Variants in COX10 observed in about 807,000 individuals in gnomAD.
COX10 encodes the protein protoheme IX farnesyltransferase, mitochondrial.
In COX10, 27 loss-of-function variants were observed where a neutral mutation model predicts 37.3. That is an observed-to-expected ratio of 0.72 (90% CI 0.53 to 1.00). The LOEUF (loss-of-function observed/expected upper bound fraction) is 1.00. COX10 is among the 50% of genes least tolerant of loss of function. COX10 has a pLI of 0.00. For missense variants in COX10, 475 were observed against 563.2 expected, an observed-to-expected ratio of 0.84 and a Z score of 1.59; for synonymous variants, 222 against 229.1, an observed-to-expected ratio of 0.97 and a Z score of 0.28.
intron 4 of COX10, among the ~76,000 whole-genome samples, chr17:14,114,159 T>G (rs1464235042): frequency 6.6e-6 from 1 of 152,146 alleles, no homozygotes; most frequent in African/African-American, 2.4e-5. Flanking sequence ...TAATCATCCT[T>G]TCCCTCAGTT....
chr17:14,186,074 G>A (rs1297179555), intron 5 of COX10, among the ~76,000 whole-genome samples: 2 of 152,214 alleles, frequency 1.3e-5, no homozygotes, highest in Non-Finnish European at 2.9e-5. Flanking sequence ...ATGTGGTGGT[G>A]TGCCCACGAT....
chr17:14,204,690 C>T (rs1189030801), intron 6 of COX10, among the ~76,000 whole-genome samples: 1 of 152,122 alleles, frequency 6.6e-6, no homozygotes, highest in Non-Finnish European at 1.5e-5. Flanking sequence ...GTGCCCCTCC[C>T]CTCACCCCCT....
chr17:14,144,509 T>C (rs1904653351), intron 4 of COX10, among the ~76,000 whole-genome samples: 2 of 152,150 alleles, frequency 1.3e-5, no homozygotes, highest in African/African-American at 4.8e-5. Flanking sequence ...TTTTAAGTCC[T>C]AGTTTGAAAG....
At chr17:14,186,845 A>AGACT (rs1906043914) in intron 5 of COX10, among the ~76,000 whole-genome samples, 1 of 152,116 alleles carries the variant, frequency 6.6e-6, no homozygotes, top group Non-Finnish European at 1.5e-5. Context: ...TACAGTTGGG[A>AGACT]GACTCTGGGT....
At chr17:14,146,023 T>C (rs562780584) in intron 4 of COX10, among the ~76,000 whole-genome samples, 23 of 152,312 alleles carry the variant, frequency 1.5e-4, no homozygotes, top group Non-Finnish European at 3.1e-4. Flanking sequence ...TGCCATATTT[T>C]GTATCATTTT....
At chr17:14,186,571 G>T (rs1216555803) in intron 5 of COX10, among the ~76,000 whole-genome samples, 1 of 151,846 alleles carries the variant, frequency 6.6e-6, no homozygotes, top group Non-Finnish European at 1.5e-5. Flanking sequence ...CCTTGGCCAC[G>T]AACTGACCAC....
intron 4 of COX10, among the ~76,000 whole-genome samples, chr17:14,134,677 G>A (rs992098294): frequency 6.6e-6 from 1 of 151,670 alleles, no homozygotes; most frequent in African/African-American, 2.4e-5. Flanking sequence ...AGCTGAGTAA[G>A]CTAAAAAACA....
intron 4 of COX10, among the ~76,000 whole-genome samples, chr17:14,119,937 G>A (rs1244406039): frequency 6.6e-6 from 1 of 152,170 alleles, no homozygotes; most frequent in Non-Finnish European, 1.5e-5. Context: ...TAGAGAGAAT[G>A]TCCAAAAGGC....
At chr17:14,164,176 C>G (rs1343008778) in intron 5 of COX10, among the ~76,000 whole-genome samples, 1 of 152,180 alleles carries the variant, frequency 6.6e-6, no homozygotes, top group African/African-American at 2.4e-5. Flanking sequence ...GTGGTGGTGT[C>G]CCATCATGGT....
chr17:14,170,051 C>G (rs1905414102), intron 5 of COX10, among the ~76,000 whole-genome samples: 1 of 152,154 alleles, frequency 6.6e-6, no homozygotes, highest in Admixed American at 6.5e-5. Flanking sequence ...TCCCTGTTGA[C>G]CTTCTTTGCT....
intron 6 of COX10, among the ~76,000 whole-genome samples, chr17:14,194,482 A>C (rs1349679175): frequency 1.3e-5 from 2 of 152,150 alleles, no homozygotes; most frequent in African/African-American, 4.8e-5. Flanking sequence ...GCTGGAGTGC[A>C]GTGGTGCGAT....
intron 3 of COX10, among the ~76,000 whole-genome samples, chr17:14,093,354 A>G (rs537443114): frequency 7.9e-5 from 12 of 152,148 alleles, no homozygotes; most frequent in Non-Finnish European, 1.5e-4. Context: ...CTTTACAGTT[A>G]TTTTTAGTTG....
intron 5 of COX10, among the ~76,000 whole-genome samples, chr17:14,168,479 C>T (rs954399393): frequency 7.9e-5 from 12 of 152,226 alleles, no homozygotes; most frequent in Non-Finnish European, 8.8e-5. Context: ...ATGGGGGCTC[C>T]AACCCCACAT....
At chr17:14,205,738 G>A (rs992720481) in intron 6 of COX10, among the ~76,000 whole-genome samples, 2 of 152,116 alleles carry the variant, frequency 1.3e-5, no homozygotes, top group Non-Finnish European at 1.5e-5. Context: ...TTGCTCTTCC[G>A]TCTCTTTTTG....
At chr17:14,184,689 T>G (rs917806441) in intron 5 of COX10, among the ~76,000 whole-genome samples, 21 of 152,262 alleles carry the variant, frequency 1.4e-4, no homozygotes, top group Admixed American at 3.9e-4. Flanking sequence ...TTCACAGCCC[T>G]CTGTTCTTCC....
chr17:14,185,051 C>G (rs1480480235), intron 5 of COX10, among the ~76,000 whole-genome samples: 1 of 150,432 alleles, frequency 6.6e-6, no homozygotes, highest in Non-Finnish European at 1.5e-5. Flanking sequence ...TTCTCCTCAT[C>G]TTGCTTCTAG....
At chr17:14,132,641 TA>T (rs1916492640) in intron 4 of COX10, among the ~76,000 whole-genome samples, 1 of 151,738 alleles carries the variant, frequency 6.6e-6, no homozygotes, top group Admixed American at 6.6e-5. Context: ...TATGAAGTGT[TA>T]AATTTTCCAG....
In COX10 at chr17:14,172,373, C is replaced by T. The variant is rs186716774; in HGVS notation, c.695+12426C>T. ...AGAGGCTATACTAATTTACATGCCCCGTCAACAGTGTGTAAGAGTTCCCTT... is the reference window on the plus strand; with the variant it reads ...AGAGGCTATACTAATTTACATGCCCTGTCAACAGTGTGTAAGAGTTCCCTT... On this transcript the variant is annotated intron_variant, in intron 5 of 6. Transcript: ENST00000261643. 2.2e-4 allele frequency among the ~76,000 whole-genome samples: 34 copies of T among 152,072 alleles called. No homozygotes were observed. In the East Asian group the frequency reaches 2.3e-3, roughly 10 times the overall value.
chr17:14,207,364 T>C lies in COX10; in HGVS notation c.*151T>C, dbSNP rs74342589. ...GATCACTTGACAGTTTTTTTTTTTT[T>C]TAAATATTACCCAAAATGCTCCCCA... On this transcript the variant is annotated 3_prime_UTR_variant, in exon 7 of 7. Coordinates refer to ENST00000261643, the MANE Select transcript of COX10 (RefSeq NM_001303.4). 2 of 955,854 alleles carry C rather than the reference T, an allele frequency of 2.1e-6. No homozygotes were observed. Among genetic ancestry groups the C allele is most frequent in the Non-Finnish European group, 2.9e-6 (2 of 680,234 alleles). 59.2% of individuals were successfully genotyped at this position (955,854 alleles called of 1,614,324 possible). A position where few individuals can be genotyped will look rare whatever the true frequency, so the allele number is the denominator to read the frequency against.
Sources: allele counts gnomAD v4.1 joint callset (sites outside exome capture counted in the v4.1 genomes callset), GRCh38; gene constraint gnomAD v4.1.1; transcripts MANE v1.5; gene names NCBI Gene and HGNC (gene_info 2026-07-23, HGNC 2026-07-21).